CRB1: variants seen among roughly 807,000 people sequenced by gnomAD.
CRB1 encodes crumbs cell polarity complex component 1, also known as protein crumbs homolog 1.
Under a neutral mutation model 120.0 loss-of-function variants are expected in CRB1, and 83 were observed. The observed-to-expected ratio is 0.69, with a 90% CI of 0.58 to 0.83. CRB1 has a LOEUF of 0.83. CRB1 is among the 40% of genes least tolerant of loss of function. The pLI is 0.00. For synonymous variants in CRB1, 625 were observed against 612.5 expected, an observed-to-expected ratio of 1.02 and a Z score of -0.30; for missense variants, 1,699 against 1,687.6, an observed-to-expected ratio of 1.01 and a Z score of -0.12.
chr1:197,335,388 G>A (rs922358328), intron 2 of CRB1, among the ~76,000 whole-genome samples: 49 of 152,182 alleles, frequency 3.2e-4, no homozygotes, highest in African/African-American at 9.9e-4. Flanking sequence ...TGCAGGGGGC[G>A]ATAAGCATGG....
intron 11 of CRB1, among the ~76,000 whole-genome samples, chr1:197,455,333 T>C (rs1666219207): frequency 6.6e-6 from 1 of 152,172 alleles, no homozygotes. Context: ...TAGTTACCAA[T>C]TTTCTTGAAT....
At chr1:197,402,651 G>A (rs1035837602) in intron 5 of CRB1, among the ~76,000 whole-genome samples, 3 of 152,042 alleles carry the variant, frequency 2.0e-5, no homozygotes, top group African/African-American at 7.2e-5. Context: ...TCTAATTTCT[G>A]TTCTCTAGTC....
At chr1:197,203,295 C>T in the CRB1 span, among the ~76,000 whole-genome samples, 3 of 152,050 alleles carry the variant, frequency 2.0e-5, no homozygotes, top group Non-Finnish European at 4.4e-5. Context: ...TGAGAATAAA[C>T]CAAGTATGCT....
In CRB1 at chr1:197,347,485, T is replaced by C; in HGVS notation, c.988+6T>C. 1 of 1,613,906 alleles carries C rather than the reference T, an allele frequency of 6.2e-7. No homozygotes were observed. Among genetic ancestry groups the C allele is most frequent in the East Asian group, 2.2e-5 (1 of 44,868 alleles). ...CACTTGTCACTGCTGGCCTGGTGAG[T>C]GACAAAATACCTTCCACCAATTATT... On this transcript the variant is annotated splice_donor_region_variant and intron_variant, in intron 4 of 11. Transcript: ENST00000367400.
At chr1:197,400,267 G>A (rs1274698829) in intron 5 of CRB1, among the ~76,000 whole-genome samples, 1 of 150,444 alleles carries the variant, frequency 6.6e-6, no homozygotes, top group Non-Finnish European at 1.5e-5. Context: ...ACAGCATTGT[G>A]CCATAAAAGT....
At chr1:197,420,105 A>G (rs1664224199) in intron 5 of CRB1, among the ~76,000 whole-genome samples, 1 of 152,194 alleles carries the variant, frequency 6.6e-6, no homozygotes, top group Non-Finnish European at 1.5e-5. Context: ...AGAACTAAGA[A>G]TATCTGCTTT....
chr1:197,221,387 TCAAGAC>T, the CRB1 span, among the ~76,000 whole-genome samples: 1 of 152,158 alleles, frequency 6.6e-6, no homozygotes, highest in African/African-American at 2.4e-5. Flanking sequence ...AGTTTTAGAG[TCAAGAC>T]CCTCTGTGTT....
At chr1:197,385,567 A>G (rs934367826) in intron 5 of CRB1, among the ~76,000 whole-genome samples, 7 of 152,128 alleles carry the variant, frequency 4.6e-5, no homozygotes, top group African/African-American at 1.7e-4. Context: ...CATGTACAAT[A>G]TACAAGTAAT....
At chr1:197,255,996 T>TATATATATATATATATATATATATAC in the CRB1 span, among the ~76,000 whole-genome samples, 36 of 116,682 alleles carry the variant, frequency 3.1e-4, no homozygotes, top group Non-Finnish European at 4.8e-4. Context: ...TATATATATA[T>TATATATATATATATATATATATATAC]ACACTACAAT....
chr1:197,320,947 C>A (rs1042577101), intron 1 of CRB1, among the ~76,000 whole-genome samples: 10 of 152,222 alleles, frequency 6.6e-5, no homozygotes, highest in Non-Finnish European at 1.3e-4. Flanking sequence ...CAATTCAAAA[C>A]ATCAGATATT....
the CRB1 span, among the ~76,000 whole-genome samples, chr1:197,231,403 C>T: frequency 6.6e-6 from 1 of 152,062 alleles, no homozygotes; most frequent in Non-Finnish European, 1.5e-5. Flanking sequence ...TTCCACATGC[C>T]TGTTGCCAGG....
intron 1 of CRB1, among the ~76,000 whole-genome samples, chr1:197,303,411 T>G (rs1049458021): frequency 6.6e-6 from 1 of 151,630 alleles, no homozygotes; most frequent in African/African-American, 2.4e-5. Context: ...AAGAAGATCT[T>G]GTTCATTTTT....
intron 5 of CRB1, among the ~76,000 whole-genome samples, chr1:197,410,709 T>C (rs1663665270): frequency 6.6e-6 from 1 of 152,238 alleles, no homozygotes; most frequent in Non-Finnish European, 1.5e-5. Flanking sequence ...ACTTAGAAAT[T>C]ATTCATGCGG....
At chr1:197,278,331 A>G (rs1451947052) in intron 1 of CRB1, among the ~76,000 whole-genome samples, 4 of 151,920 alleles carry the variant, frequency 2.6e-5, no homozygotes, top group African/African-American at 4.8e-5. Flanking sequence ...GACAGACCCC[A>G]TATCTACTGG....
chr1:197,438,261 C>A, intron 9 of CRB1: 1 of 355,204 alleles, frequency 2.8e-6, no homozygotes, highest in Non-Finnish European at 5.4e-6. Context: ...AGTTCTTTTC[C>A]AACCCAAAAT....
intron 2 of CRB1, among the ~76,000 whole-genome samples, chr1:197,330,778 A>G (rs964763042): frequency 3.5e-5 from 4 of 115,166 alleles, no homozygotes; most frequent in African/African-American, 1.3e-4. Context: ...TTTTACATAT[A>G]TCTATGTTTT....
chr1:197,371,107 T>C (rs1661347903), intron 5 of CRB1, among the ~76,000 whole-genome samples: 1 of 152,158 alleles, frequency 6.6e-6, no homozygotes, highest in South Asian at 2.1e-4. Context: ...CTTAACCACT[T>C]TTTTTCCAGT....
At chr1:197,231,213 CT>C in the CRB1 span, among the ~76,000 whole-genome samples, 6 of 152,096 alleles carry the variant, frequency 3.9e-5, no homozygotes, top group Non-Finnish European at 7.4e-5. Flanking sequence ...ACTACAATTC[CT>C]GCTTCATTTT....
intron 4 of CRB1, among the ~76,000 whole-genome samples, chr1:197,351,067 C>T (rs924847502): frequency 6.6e-6 from 1 of 151,314 alleles, no homozygotes; most frequent in Admixed American, 6.6e-5. Flanking sequence ...TCTGGCTGGG[C>T]GCCTTGGCTC....
Sources: gnomAD v4.1 joint callset for allele counts (sites outside exome capture counted in the v4.1 genomes callset) on GRCh38, gnomAD v4.1.1 for gene constraint, MANE v1.5 for transcripts, NCBI Gene and HGNC (gene_info 2026-07-23, HGNC 2026-07-21) for gene names.